TTYH2: variants seen among roughly 807,000 people sequenced by gnomAD.
TTYH2 encodes tweety family member 2, also known as protein tweety homolog 2.
Under a neutral mutation model 68.3 loss-of-function variants are expected in TTYH2, and 49 were observed. The observed-to-expected ratio is 0.72, with a 90% confidence interval of 0.57 to 0.91. The LOEUF (loss-of-function observed/expected upper bound fraction) is 0.91. TTYH2 is among the 40% of genes least tolerant of loss of function. The pLI, the probability that TTYH2 is intolerant of heterozygous loss-of-function variation, is 0.00. For synonymous variants in TTYH2, 272 were observed against 300.8 expected, an observed-to-expected ratio of 0.90 and a Z score of 0.99; for missense variants, 631 against 700.4, an observed-to-expected ratio of 0.90 and a Z score of 1.12.
chr17:74,218,025 G>C (rs992137727), intron 1 of TTYH2, among the ~76,000 whole-genome samples: 7 of 152,088 alleles, frequency 4.6e-5, no homozygotes, highest in African/African-American at 1.7e-4. Context: ...GAGCAGGGGG[G>C]CCTGGAAGCA....
At chr17:74,242,645 G>A (rs1443076269) in intron 4 of TTYH2, among the ~76,000 whole-genome samples, 1 of 152,166 alleles carries the variant, frequency 6.6e-6, no homozygotes, top group African/African-American at 2.4e-5. Context: ...TGCCCGTCTT[G>A]GCCTCCCAAA....
At chr17:74,244,706 G>T (rs2050538023) in intron 6 of TTYH2, among the ~76,000 whole-genome samples, 1 of 152,194 alleles carries the variant, frequency 6.6e-6, no homozygotes, top group African/African-American at 2.4e-5. Context: ...AGCTGACATT[G>T]TTTGCTGGGT....
chr17:74,224,722 G>A (rs1161867575), intron 2 of TTYH2, among the ~76,000 whole-genome samples: 4 of 152,128 alleles, frequency 2.6e-5, no homozygotes, highest in African/African-American at 9.7e-5. Flanking sequence ...AGAGAGGGCT[G>A]GGCGTGGTGG....
intron 9 of TTYH2, 88 bp from the exon 10 acceptor site, chr17:74,250,177 A>G (rs182155727): frequency 6.8e-7 from 1 of 1,470,010 alleles, no homozygotes; most frequent in East Asian, 2.4e-5. Context: ...TTGGCTCTAG[A>G]GGCCCCTGAG....
chr17:74,215,549 C>T lies in TTYH2; in HGVS notation c.129+1833C>T. The T allele has an allele frequency of 7.5e-7, 1 of 1,331,930 alleles. No individual in the cohort carries two copies. The highest frequency in any genetic ancestry group is 1.3e-5 in the South Asian group (1 of 76,394). The allele number at this position is 1,331,930 out of a possible 1,614,324, so 82.5% of individuals were successfully genotyped here. On this transcript the variant is annotated intron_variant, in intron 1 of 13. Transcript: ENST00000269346. The surrounding 1 kb of genome is among the most constrained non-coding windows in gnomAD (Gnocchi z 4.3). ...CAAATGGTTCCAGAGGGTGTCCCTT[C>T]CCATCGGCCACTGCTCCTGGGCAGC...
chr17:74,239,820 CAG>C lies in TTYH2; in HGVS notation c.635+2307_635+2308del, dbSNP rs935218005. On this transcript the variant is annotated intron_variant, in intron 4 of 13. Transcript: ENST00000269346. This position sits in a 1 kb window ranked among gnomAD's most constrained non-coding sequence, Gnocchi z 5.3. ...TCTGTGACCTCCTGTGGCCCCAAAA[CAG>C]GGGTGTCTGATGATTCTCCTGATGC... 5.8e-4 allele frequency among the ~76,000 whole-genome samples: 89 copies of C among 152,340 alleles called. No homozygotes were observed. Among genetic ancestry groups the C allele is most frequent in the African/African-American group, 3.4e-4 (14 of 41,576 alleles).
intron 2 of TTYH2, among the ~76,000 whole-genome samples, chr17:74,227,200 C>G (rs920189853): frequency 6.6e-6 from 1 of 152,184 alleles, no homozygotes; most frequent in African/African-American, 2.4e-5. Flanking sequence ...GTCTCAAACT[C>G]TTGACCTCAG....
intron 3 of TTYH2, among the ~76,000 whole-genome samples, chr17:74,234,601 A>G (rs929739676): frequency 6.6e-6 from 1 of 152,266 alleles, no homozygotes; most frequent in African/African-American, 2.4e-5. Context: ...CCTGTGGGAA[A>G]ATATCAGGAA....
chr17:74,248,503 C>A (rs1028611312), intron 6 of TTYH2: 1 of 992,668 alleles, frequency 1.0e-6, no homozygotes, highest in Non-Finnish European at 1.2e-6. Context: ...TCAGCACCAA[C>A]CTCATTCTTT....
intron 11 of TTYH2, among the ~76,000 whole-genome samples, chr17:74,252,781 G>GC: frequency 6.6e-6 from 1 of 152,284 alleles, no homozygotes; most frequent in East Asian, 1.9e-4. Flanking sequence ...GAGGAGATGG[G>GC]CAGGGACACA....
chr17:74,254,319 C>T (rs1276321840), intron 13 of TTYH2, among the ~76,000 whole-genome samples: 5 of 152,112 alleles, frequency 3.3e-5, no homozygotes, highest in African/African-American at 4.8e-5. Flanking sequence ...AGGTGCGTGC[C>T]ACAACGCCAG....
chr17:74,217,076 G>A lies in TTYH2; in HGVS notation c.129+3360G>A, dbSNP rs543114543. Among the ~76,000 whole-genome samples the A allele has an allele frequency of 2.4e-4, 36 of 152,294 alleles. No individual in the cohort carries two copies. The highest frequency in any genetic ancestry group is 3.4e-4 in the African/African-American group (14 of 41,566). ...TCTGAGCAAATGAACGAGGCACTTC[G>A]GTGTCCCTGCCTGAGCGTGAGTGCC... On this transcript the variant is annotated intron_variant, in intron 1 of 13. Transcript: ENST00000269346. The surrounding 1 kb of genome is among the most constrained non-coding windows in gnomAD (Gnocchi z 4.0).
At chr17:74,224,922 C>T (rs1017253764) in intron 2 of TTYH2, among the ~76,000 whole-genome samples, 3 of 151,780 alleles carry the variant, frequency 2.0e-5, no homozygotes, top group African/African-American at 7.3e-5. Context: ...TCATTTGAAC[C>T]CGGGAGGCAG....
chr17:74,221,011 C>T (rs1422695630), intron 1 of TTYH2, among the ~76,000 whole-genome samples: 1 of 152,142 alleles, frequency 6.6e-6, no homozygotes, highest in Non-Finnish European at 1.5e-5. Context: ...CCAGACTGGT[C>T]CTGAACTCCT....
chr17:74,255,797 G>A (rs1162234788), intron 13 of TTYH2, among the ~76,000 whole-genome samples: 1 of 152,218 alleles, frequency 6.6e-6, no homozygotes, highest in Non-Finnish European at 1.5e-5. Context: ...CTGCCATGGG[G>A]TGGGCAGAAG....
At chr17:74,218,530 T>TA (rs1567808866) in intron 1 of TTYH2, among the ~76,000 whole-genome samples, 129 of 121,306 alleles carry the variant, frequency 1.1e-3, no homozygotes, top group African/African-American at 3.2e-3. Flanking sequence ...AAAAAGGAAA[T>TA]CAAAAAAAAA....
intron 2 of TTYH2, among the ~76,000 whole-genome samples, chr17:74,227,414 G>C (rs2050341026): frequency 6.6e-6 from 1 of 152,206 alleles, no homozygotes; most frequent in African/African-American, 2.4e-5. Flanking sequence ...GTGACTCAGA[G>C]AGCTAGAAAA....
At chr17:74,255,034 G>A (rs2050679163) in intron 13 of TTYH2, among the ~76,000 whole-genome samples, 1 of 152,186 alleles carries the variant, frequency 6.6e-6, no homozygotes, top group Admixed American at 6.5e-5. Flanking sequence ...CTCAGGGTGG[G>A]CAGGTTGAGA....
chr17:74,249,970 T>G lies in TTYH2; in HGVS notation c.965T>G (p.Met322Arg). 3 of 1,614,100 alleles carry G rather than the reference T, an allele frequency of 1.9e-6. No individual in the cohort carries two copies. The highest frequency in any genetic ancestry group is 2.5e-6 in the Non-Finnish European group (3 of 1,179,982). ...ACCTTCCAGCGCGCACTTACCACCA[T>G]GCAGATCCAGGTCGCGGGGCTGCTG... The part of the protein sequence containing the change: ...LTTFQRALTT[M>R]QIQVAGLLQF... Residue 322 changes from methionine (M) to arginine (R), a missense_variant, in exon 9 of 14, where the codon ATG becomes AGG. Coordinates refer to ENST00000269346, the MANE Select transcript of TTYH2 (RefSeq NM_032646.6).
Sources: gnomAD v4.1 joint callset for allele counts (sites outside exome capture counted in the v4.1 genomes callset) on GRCh38, gnomAD v4.1.1 for gene constraint, Gnocchi (gnomAD v3.1) non-coding constraint, MANE v1.5 for transcripts, NCBI Gene and HGNC (gene_info 2026-07-23, HGNC 2026-07-21) for gene names.